The following DCDC1 variants were observed in gnomAD, a reference collection of about 807,000 sequenced individuals.
DCDC1 encodes doublecortin domain containing 1.
In DCDC1, 200 loss-of-function variants were observed where a neutral mutation model predicts 178.3. The observed-to-expected ratio is 1.12, with a 90% CI of 1.00 to 1.26. The LOEUF is 1.26. Among genes scored for constraint, DCDC1 ranks in the 50% most tolerant of loss-of-function variants. DCDC1 has a pLI of 0.00. For missense variants in DCDC1, 1,983 were observed against 1,749.2 expected, an observed-to-expected ratio of 1.13 and a Z score of -2.38; for synonymous variants, 690 against 604.8, an observed-to-expected ratio of 1.14 and a Z score of -2.07.
chr11:30,883,697 G>T (rs1486679819), intron 36 of DCDC1, among the ~76,000 whole-genome samples: 1 of 152,078 alleles, frequency 6.6e-6, no homozygotes, highest in Admixed American at 6.6e-5. Flanking sequence ...TAGGGGAAAA[G>T]ATTTTAATAT....
At chr11:30,918,863 G>GTACAC (rs1946045531) in intron 25 of DCDC1, among the ~76,000 whole-genome samples, 2 of 152,142 alleles carry the variant, frequency 1.3e-5, no homozygotes, top group Non-Finnish European at 2.9e-5. Context: ...AAAGCACAGA[G>GTACAC]TAGGCAAGTG....
chr11:31,052,968 A>G (rs1955354176), intron 20 of DCDC1, among the ~76,000 whole-genome samples: 1 of 152,128 alleles, frequency 6.6e-6, no homozygotes, highest in Non-Finnish European at 1.5e-5. Flanking sequence ...CCACAGAAGA[A>G]AGGAAATAAC....
rs1365852746 is a variant in DCDC1, at chr11:31,341,215, C to CTTGTCTTGACAA, written c.-124-5652_-124-5651insTTGTCAAGACAA. On this transcript the variant is annotated intron_variant, in intron 1 of 38. Transcript: ENST00000684477. ...ATGTGCATTTCAAGACAAAGTTCTC[C>CTTGTCTTGACAA]AGAAACTTCTTTCACAGGTAGGGAA... Among the ~76,000 whole-genome samples, 18 of 152,196 alleles carry CTTGTCTTGACAA rather than the reference C, an allele frequency of 1.2e-4. No homozygotes were observed. In the East Asian group the frequency reaches 3.5e-3, roughly 29 times the overall value.
chr11:31,075,151 GTCTT>G (rs1434158260), intron 18 of DCDC1, among the ~76,000 whole-genome samples: 2 of 152,192 alleles, frequency 1.3e-5, no homozygotes, highest in East Asian at 3.9e-4. Flanking sequence ...TATGGGTTTT[GTCTT>G]TCTTTTTCTG....
At chr11:31,223,906 T>C (rs967837082) in intron 9 of DCDC1, among the ~76,000 whole-genome samples, 12 of 152,072 alleles carry the variant, frequency 7.9e-5, no homozygotes, top group African/African-American at 2.7e-4. Flanking sequence ...TCAACTTGAA[T>C]TGTATCTCCA....
At chr11:31,222,805 C>T (rs1974428621) in intron 9 of DCDC1, among the ~76,000 whole-genome samples, 1 of 152,062 alleles carries the variant, frequency 6.6e-6, no homozygotes. Context: ...GGGCCCTACC[C>T]TTATGACCTC....
At chr11:31,324,283 T>C (rs1050646085) in intron 3 of DCDC1, among the ~76,000 whole-genome samples, 9 of 151,826 alleles carry the variant, frequency 5.9e-5, no homozygotes, top group African/African-American at 1.9e-4. Flanking sequence ...GAGCATAGCA[T>C]CGGGGGCATA....
intron 17 of DCDC1, among the ~76,000 whole-genome samples, chr11:31,083,799 C>T (rs892699918): frequency 6.6e-6 from 1 of 152,086 alleles, no homozygotes; most frequent in Non-Finnish European, 1.5e-5. Context: ...TTCCTCTGTG[C>T]GTGCATGTGT....
intron 3 of DCDC1, among the ~76,000 whole-genome samples, chr11:31,324,789 T>G (rs1591762421): frequency 6.6e-6 from 1 of 152,100 alleles, no homozygotes; most frequent in African/African-American, 2.4e-5. Context: ...TCATTCCAAG[T>G]AAAAAGTACC....
chr11:31,328,055 T>A, intron 3 of DCDC1, 62 bp downstream of exon 3: 2 of 1,469,242 alleles, frequency 1.4e-6, no homozygotes, highest in Non-Finnish European at 1.8e-6. Context: ...TTTAAACTAC[T>A]TTCTATAAAC....
chr11:31,297,388 C>G (rs1365033316), intron 6 of DCDC1, among the ~76,000 whole-genome samples: 2 of 151,754 alleles, frequency 1.3e-5, no homozygotes, highest in Non-Finnish European at 2.9e-5. Context: ...GAGATAGAGT[C>G]TCGCTATGTC....
intron 20 of DCDC1, among the ~76,000 whole-genome samples, chr11:31,020,961 C>G (rs1258964544): frequency 6.6e-6 from 1 of 152,190 alleles, no homozygotes; most frequent in African/African-American, 2.4e-5. Flanking sequence ...AAGATATTGA[C>G]TGTTTCCAAA....
chr11:31,100,791 A>G (rs186182623), intron 15 of DCDC1, among the ~76,000 whole-genome samples: 3 of 152,366 alleles, frequency 2.0e-5, no homozygotes, highest in African/African-American at 7.2e-5. Flanking sequence ...TTCAAATGGC[A>G]ACAGCCAGGC....
intron 20 of DCDC1, among the ~76,000 whole-genome samples, chr11:31,012,607 C>CAAAAAAAAAAA (rs780824791): frequency 1.3e-5 from 1 of 74,616 alleles, no homozygotes; most frequent in Admixed American, 1.4e-4. Context: ...CCTGTCTCAA[C>CAAAAAAAAAAA]AAAAAAAAAA....
chr11:31,193,183 T>G (rs931837653), intron 9 of DCDC1, among the ~76,000 whole-genome samples: 9 of 152,048 alleles, frequency 5.9e-5, no homozygotes. Context: ...ATCATGAGAC[T>G]TCTTTTCCTC....
At chr11:31,016,456 T>C (rs374782549) in intron 20 of DCDC1, among the ~76,000 whole-genome samples, 3 of 152,176 alleles carry the variant, frequency 2.0e-5, no homozygotes. Flanking sequence ...GTGGAGAGGA[T>C]TGACATGTAA....
intron 6 of DCDC1, 29 bp from the exon 7 acceptor site, chr11:31,290,881 A>G: frequency 6.3e-7 from 1 of 1,594,142 alleles, no homozygotes. Flanking sequence ...AGTCAAGTCA[A>G]TATTTGGCTT....
At chr11:31,217,207 T>G (rs1460736482) in intron 9 of DCDC1, among the ~76,000 whole-genome samples, 7 of 152,088 alleles carry the variant, frequency 4.6e-5, no homozygotes, top group Admixed American at 3.9e-4. Context: ...AAAGATAAAT[T>G]ATGGGAAGAA....
intron 1 of DCDC1, among the ~76,000 whole-genome samples, chr11:31,338,477 G>C (rs1950380317): frequency 6.6e-6 from 1 of 152,172 alleles, no homozygotes; most frequent in African/African-American, 2.4e-5. Flanking sequence ...ACAGGAAGAA[G>C]GGCGTACCAA....
Sources: allele counts gnomAD v4.1 joint callset (sites outside exome capture counted in the v4.1 genomes callset), GRCh38; gene constraint gnomAD v4.1.1; transcripts MANE v1.5; gene names NCBI Gene and HGNC (gene_info 2026-07-23, HGNC 2026-07-21).